Variants in NBEA observed in about 807,000 individuals in gnomAD.
NBEA encodes lysosomal-trafficking regulator 2.
In NBEA, 44 loss-of-function variants were observed where a neutral mutation model predicts 343.4. The ratio of observed to expected loss-of-function variants is 0.13; its 90% CI spans 0.10 to 0.16. The LOEUF (loss-of-function observed/expected upper bound fraction) is 0.16, where lower values mean the gene tolerates loss of function less well. Among genes scored for constraint, NBEA ranks in the 10% least tolerant of loss-of-function variants. NBEA has a pLI of 1.00. For missense variants in NBEA, 2,555 were observed against 3,631.3 expected, an observed-to-expected ratio of 0.70 and a Z score of 7.62; for synonymous variants, 1,175 against 1,238.7, an observed-to-expected ratio of 0.95 and a Z score of 1.08.
At chr13:35,008,893 G>A (rs2061399531) in intron 1 of NBEA, among the ~76,000 whole-genome samples, 1 of 151,962 alleles carries the variant, frequency 6.6e-6, no homozygotes, top group African/African-American at 2.4e-5. Context: ...TGTTTTCATG[G>A]GCATATTAAA....
At chr13:35,644,941 A>C (rs1209681290) in intron 49 of NBEA, among the ~76,000 whole-genome samples, 1 of 152,252 alleles carries the variant, frequency 6.6e-6, no homozygotes, top group African/African-American at 2.4e-5. Flanking sequence ...TTAATAATTC[A>C]TCCCATTGCC....
intron 17 of NBEA, among the ~76,000 whole-genome samples, chr13:35,139,755 T>TTTG (rs2067978594): frequency 7.0e-6 from 1 of 143,568 alleles, no homozygotes; most frequent in Non-Finnish European, 1.5e-5. Flanking sequence ...TTTTTTTTTT[T>TTTG]TTTTTTTTTT....
intron 34 of NBEA, among the ~76,000 whole-genome samples, chr13:35,278,878 T>C (rs1310742045): frequency 1.3e-5 from 2 of 152,054 alleles, no homozygotes; most frequent in Non-Finnish European, 1.5e-5. Context: ...ATTTGCTACA[T>C]ACAATATGTA....
intron 36 of NBEA, among the ~76,000 whole-genome samples, chr13:35,338,494 A>G (rs557058072): frequency 6.6e-6 from 1 of 152,070 alleles, no homozygotes; most frequent in African/African-American, 2.4e-5. Flanking sequence ...AGAAAAATTC[A>G]TTACCAGATG....
At chr13:35,054,312 G>A (rs1362159782) in intron 6 of NBEA, among the ~76,000 whole-genome samples, 1 of 151,952 alleles carries the variant, frequency 6.6e-6, no homozygotes, top group Non-Finnish European at 1.5e-5. Context: ...AATTCTATAA[G>A]ATTTTCCTTA....
At chr13:35,482,763 A>G (rs2076168588) in intron 41 of NBEA, among the ~76,000 whole-genome samples, 1 of 151,818 alleles carries the variant, frequency 6.6e-6, no homozygotes, top group Admixed American at 6.6e-5. Flanking sequence ...TGCATACAGT[A>G]GTATTCCATG....
chr13:35,577,190 A>G (rs986430759), intron 45 of NBEA, among the ~76,000 whole-genome samples: 1 of 152,196 alleles, frequency 6.6e-6, no homozygotes, highest in Non-Finnish European at 1.5e-5. Flanking sequence ...CATCCGATCA[A>G]GTTGAATTAC....
At position 35,446,948 on chromosome 13, in the gene NBEA, ATC is replaced by A. The variant is rs561989780; in HGVS notation, c.6305-5140_6305-5139del. Among the ~76,000 whole-genome samples the A allele has an allele frequency of 1.3e-3, 201 of 152,196 alleles. 1 individual carries two copies. The highest frequency in any genetic ancestry group is 2.4e-3 in the Admixed American group (37 of 15,280). Reference sequence around the variant, plus strand: ...TAAAACTGGCTTATTATGTGGTTATATCTCTTTTCTTTGTGTGTTAGCCACAC... The same window carrying A: ...TAAAACTGGCTTATTATGTGGTTATATCTTTTCTTTGTGTGTTAGCCACAC... On this transcript the variant is annotated intron_variant, in intron 39 of 58. Coordinates refer to ENST00000379939, the MANE Select transcript of NBEA (RefSeq NM_001385012.1).
At chr13:34,944,952 G>A (rs1395582378) in intron 1 of NBEA, among the ~76,000 whole-genome samples, 1 of 152,070 alleles carries the variant, frequency 6.6e-6, no homozygotes, top group Non-Finnish European at 1.5e-5. Context: ...TAACAGATGG[G>A]GTTTTTTAGA....
chr13:35,609,207 G>A (rs1313204514), intron 48 of NBEA, among the ~76,000 whole-genome samples: 1 of 152,194 alleles, frequency 6.6e-6, no homozygotes, highest in Non-Finnish European at 1.5e-5. Flanking sequence ...TACTGATAAT[G>A]TACCAGGAAA....
intron 12 of NBEA, 49 bp from the exon 13 acceptor site, chr13:35,110,761 T>G (rs749616067): frequency 8.3e-5 from 124 of 1,489,188 alleles, no homozygotes; most frequent in Non-Finnish European, 1.1e-4. Context: ...ATATGAGCAC[T>G]TGAGGCATTT....
At chr13:35,205,601 G>C (rs1454941778) in intron 31 of NBEA, among the ~76,000 whole-genome samples, 1 of 151,902 alleles carries the variant, frequency 6.6e-6, no homozygotes, top group African/African-American at 2.4e-5. Context: ...CATTATCCTT[G>C]AAATATAGTG....
At chr13:35,130,684 T>C (rs1434466339) in intron 17 of NBEA, among the ~76,000 whole-genome samples, 1 of 151,196 alleles carries the variant, frequency 6.6e-6, no homozygotes, top group Non-Finnish European at 1.5e-5. Flanking sequence ...AAAAAAAAAA[T>C]CCATTGGCTT....
chr13:35,290,280 T>C, intron 34 of NBEA, 109 bp from the exon 35 acceptor site: 1 of 669,210 alleles, frequency 1.5e-6, no homozygotes, highest in Non-Finnish European at 2.6e-6. Flanking sequence ...TTAGGAATTC[T>C]ATTTAAAAGA....
chr13:35,669,264 A>G lies in NBEA; in HGVS notation c.8813+745A>G, dbSNP rs186178820. On this transcript the variant is annotated intron_variant, in intron 58 of 58. Coordinates refer to ENST00000379939, the MANE Select transcript of NBEA (RefSeq NM_001385012.1). ...TCTAAAGTTCCTAAGCCTTTAAAATAAACTACAACCCTGTAATCTGAATAT... is the reference window on the plus strand; with the variant it reads ...TCTAAAGTTCCTAAGCCTTTAAAATGAACTACAACCCTGTAATCTGAATAT... 2.0e-4 allele frequency among the ~76,000 whole-genome samples: 31 copies of G among 152,352 alleles called. No homozygotes were observed. The East Asian group carries it at 5.2e-3, about 26-fold the overall frequency.
chr13:34,951,814 A>G (rs927088382), intron 1 of NBEA, among the ~76,000 whole-genome samples: 4 of 152,230 alleles, frequency 2.6e-5, no homozygotes, highest in Non-Finnish European at 2.9e-5. Flanking sequence ...CAAGGCAAAT[A>G]GTAACTCCCT....
At chr13:35,624,195 A>G (rs994993212) in intron 48 of NBEA, among the ~76,000 whole-genome samples, 2 of 152,036 alleles carry the variant, frequency 1.3e-5, no homozygotes, top group African/African-American at 4.8e-5. Context: ...CAATTCTATA[A>G]GAAAACAAAA....
intron 1 of NBEA, among the ~76,000 whole-genome samples, chr13:34,961,258 A>G (rs1054593276): frequency 6.6e-6 from 1 of 152,082 alleles, no homozygotes; most frequent in African/African-American, 2.4e-5. Flanking sequence ...GGACTCTATT[A>G]ATGTAGCTTA....
chr13:35,009,953 G>A (rs1285151548), intron 1 of NBEA, among the ~76,000 whole-genome samples: 1 of 152,150 alleles, frequency 6.6e-6, no homozygotes, highest in Non-Finnish European at 1.5e-5. Flanking sequence ...CTGATCAGAA[G>A]GATGGAAGTG....
Sources: allele counts gnomAD v4.1 joint callset (sites outside exome capture counted in the v4.1 genomes callset), GRCh38; gene constraint gnomAD v4.1.1; transcripts MANE v1.5; gene names NCBI Gene and HGNC (gene_info 2026-07-23, HGNC 2026-07-21).